RNF152: variants seen among roughly 807,000 people sequenced by gnomAD.
The protein encoded by RNF152 is E3 ubiquitin-protein ligase RNF152.
In RNF152, 11 loss-of-function variants were observed where a neutral mutation model predicts 12.7. That is an observed-to-expected ratio of 0.86 (90% CI 0.54 to 1.43). RNF152 has a LOEUF of 1.43. RNF152 is among the 40% of genes most tolerant of loss of function. RNF152 has a pLI of 0.00. For synonymous variants in RNF152, 113 were observed against 120.3 expected, an observed-to-expected ratio of 0.94 and a Z score of 0.40; for missense variants, 255 against 274.8, an observed-to-expected ratio of 0.93 and a Z score of 0.51.
intron 1 of RNF152, among the ~76,000 whole-genome samples, chr18:61,836,476 TAAG>T (rs1466999512): frequency 6.6e-6 from 1 of 152,126 alleles, no homozygotes; most frequent in Non-Finnish European, 1.5e-5. Flanking sequence ...AGTGCCCTTA[TAAG>T]AAGAAGAAAA....
chr18:61,857,203 C>T lies in RNF152; in HGVS notation c.-136+35592G>A, dbSNP rs535538528. Among the ~76,000 whole-genome samples, 47 of 152,262 alleles carry T rather than the reference C, an allele frequency of 3.1e-4. No individual in the cohort carries two copies. The South Asian group carries it at 4.4e-3, about 14-fold the overall frequency. The stretch of plus-strand genomic sequence containing the variant: ...GTCTCCATTATCCCCAACACTGTAA[C>T]AGGGAGAAAGTGCAGACACTTTTCT... On this transcript the variant is annotated intron_variant, in intron 1 of 1. Coordinates refer to ENST00000312828, the MANE Select transcript of RNF152 (RefSeq NM_173557.3).
In RNF152 at chr18:61,814,535, C is replaced by G. The variant is rs574877784; in HGVS notation, c.*1317G>C. 4 of 152,172 alleles carry G rather than the reference C, an allele frequency of 2.6e-5. No individual in the cohort carries two copies. Among genetic ancestry groups the G allele is most frequent in the Non-Finnish European group, 5.9e-5 (4 of 68,032 alleles). 9.4% of individuals were successfully genotyped at this position (152,172 alleles called of 1,614,324 possible). ...CTTCATGAGCATCTATAGATCATTA[C>G]ACATTTAAGAACATTTGACAGTTTA... is the stretch of plus-strand genomic sequence containing the variant. On this transcript the variant is annotated 3_prime_UTR_variant, in exon 2 of 2. Transcript: ENST00000312828.
intron 1 of RNF152, among the ~76,000 whole-genome samples, chr18:61,869,517 T>C (rs994514984): frequency 6.6e-6 from 1 of 152,230 alleles, no homozygotes; most frequent in Admixed American, 6.5e-5. Context: ...ACCCACTTGA[T>C]AAAGGAACAC....
intron 1 of RNF152, among the ~76,000 whole-genome samples, chr18:61,860,252 C>G (rs1045610118): frequency 6.6e-6 from 1 of 152,172 alleles, no homozygotes; most frequent in Non-Finnish European, 1.5e-5. Context: ...TTTGAAGCCA[C>G]CTACTTGGTT....
At chr18:61,830,771 T>C (rs62096273) in intron 1 of RNF152, among the ~76,000 whole-genome samples, 40,712 of 150,318 alleles carry the variant, frequency 0.27, 6,167 homozygotes, top group Non-Finnish European at 0.35. Flanking sequence ...TGAAGGAGTA[T>C]AGAAAAGATC....
chr18:61,847,183 G>C (rs1165710839), intron 1 of RNF152, among the ~76,000 whole-genome samples: 1 of 151,888 alleles, frequency 6.6e-6, no homozygotes, highest in African/African-American at 2.4e-5. Context: ...AAAGCAAGAA[G>C]TGGAGAGAAC....
chr18:61,815,767 G>T lies in RNF152; in HGVS notation c.*85C>A. The T allele has an allele frequency of 6.8e-7, 1 of 1,470,162 alleles. No homozygotes were observed. The highest frequency in any genetic ancestry group is 9.4e-7 in the Non-Finnish European group (1 of 1,068,206). The allele number at this position is 1,470,162 out of a possible 1,614,324, so 91.1% of individuals were successfully genotyped here. On this transcript the variant is annotated 3_prime_UTR_variant, in exon 2 of 2. Transcript: ENST00000312828. ...CGCTCAGCACCAAATGGTCAGTGTTGCCCCCCATCTTCTCACTGGGATCTC... is the reference window on the plus strand; with the variant it reads ...CGCTCAGCACCAAATGGTCAGTGTTTCCCCCCATCTTCTCACTGGGATCTC...
intron 1 of RNF152, among the ~76,000 whole-genome samples, chr18:61,885,483 T>C (rs1471999550): frequency 1.3e-5 from 2 of 152,214 alleles, no homozygotes; most frequent in East Asian, 3.9e-4. Flanking sequence ...AATTTTTGTA[T>C]TTTTAGTAGA....
intron 1 of RNF152, among the ~76,000 whole-genome samples, chr18:61,869,390 T>C (rs1911884019): frequency 6.6e-6 from 1 of 152,112 alleles, no homozygotes; most frequent in African/African-American, 2.4e-5. Flanking sequence ...CAAATAAACA[T>C]GGGCCATGGA....
chr18:61,844,082 G>GAAAGAAAGAAAGAAAGAAAGAA (rs1910594106), intron 1 of RNF152, among the ~76,000 whole-genome samples: 3 of 33,990 alleles, frequency 8.8e-5, no homozygotes, highest in African/African-American at 2.2e-4. Context: ...AGAAAGGAAA[G>GAAAGAAAGAAAGAAAGAAAGAA]AAAGAAAGAA....
intron 1 of RNF152, among the ~76,000 whole-genome samples, chr18:61,877,868 G>C (rs1912285267): frequency 6.6e-6 from 1 of 152,190 alleles, no homozygotes; most frequent in African/African-American, 2.4e-5. Flanking sequence ...ACAGTAGACT[G>C]CCAAAATGAA....
intron 1 of RNF152, among the ~76,000 whole-genome samples, chr18:61,862,299 C>T (rs999427618): frequency 1.4e-4 from 21 of 152,154 alleles, no homozygotes; most frequent in East Asian, 5.8e-4. Context: ...GCAGAGGAGG[C>T]GGCAAAAATT....
intron 1 of RNF152, among the ~76,000 whole-genome samples, chr18:61,891,342 T>C (rs1270086876): frequency 6.6e-6 from 1 of 152,218 alleles, no homozygotes; most frequent in Non-Finnish European, 1.5e-5. Flanking sequence ...AACACTGCAC[T>C]GTGGCTATCT....
At chr18:61,878,774 G>T (rs975905750) in intron 1 of RNF152, among the ~76,000 whole-genome samples, 2 of 152,092 alleles carry the variant, frequency 1.3e-5, no homozygotes, top group African/African-American at 4.8e-5. Context: ...AAGCCTCTTC[G>T]GGCATTAATC....
At chr18:61,873,163 C>T (rs972879799) in intron 1 of RNF152, among the ~76,000 whole-genome samples, 2 of 152,162 alleles carry the variant, frequency 1.3e-5, no homozygotes, top group Non-Finnish European at 2.9e-5. Flanking sequence ...AAAGACAGAA[C>T]CTACTCCTAA....
At chr18:61,853,811 C>T (rs751893466) in intron 1 of RNF152, among the ~76,000 whole-genome samples, 1 of 152,134 alleles carries the variant, frequency 6.6e-6, no homozygotes, top group Non-Finnish European at 1.5e-5. Context: ...CCTTGAAGTC[C>T]CTTTTGCCAT....
At chr18:61,876,056 C>T (rs1258904865) in intron 1 of RNF152, among the ~76,000 whole-genome samples, 1 of 152,216 alleles carries the variant, frequency 6.6e-6, no homozygotes, top group Non-Finnish European at 1.5e-5. Context: ...CTCCCATACT[C>T]CCATACTACC....
At chr18:61,839,720 C>T (rs1240334130) in intron 1 of RNF152, among the ~76,000 whole-genome samples, 1 of 152,058 alleles carries the variant, frequency 6.6e-6, no homozygotes, top group East Asian at 1.9e-4. Context: ...ACAGCGACAC[C>T]CTGTCTCTAC....
At chr18:61,824,032 A>G (rs1438984948) in intron 1 of RNF152, among the ~76,000 whole-genome samples, 4 of 152,262 alleles carry the variant, frequency 2.6e-5, no homozygotes, top group South Asian at 2.1e-4. Context: ...TTAACAAACA[A>G]TGAATGAATT....
Sources: allele counts gnomAD v4.1 joint callset (sites outside exome capture counted in the v4.1 genomes callset), GRCh38; gene constraint gnomAD v4.1.1; transcripts MANE v1.5; gene names NCBI Gene and HGNC (gene_info 2026-07-23, HGNC 2026-07-21).